IGF2BP3: variants seen among roughly 807,000 people sequenced by gnomAD.
IGF2BP3 encodes insulin like growth factor 2 mRNA binding protein 3.
IGF2BP3 carries 9 observed loss-of-function variants against 73.8 expected under a neutral mutation model. The observed-to-expected ratio is 0.12, with a 90% CI of 0.07 to 0.21. The LOEUF (loss-of-function observed/expected upper bound fraction) is 0.21. IGF2BP3 is among the 10% of genes least tolerant of loss of function. The pLI is 1.00. For synonymous variants in IGF2BP3, 258 were observed against 256.7 expected (o/e 1.01, Z -0.05); for missense variants, 542 against 714.0 (o/e 0.76, Z 2.75).
At chr7:23,347,266 A>G (rs545535685) in intron 7 of IGF2BP3, among the ~76,000 whole-genome samples, 2 of 152,200 alleles carry the variant, frequency 1.3e-5, no homozygotes, top group African/African-American at 2.4e-5. Context: ...CAGAGCTCCA[A>G]TGAGCTCCGA....
At chr7:23,327,064 T>C (rs546863013) in intron 10 of IGF2BP3, among the ~76,000 whole-genome samples, 47 of 149,914 alleles carry the variant, frequency 3.1e-4, no homozygotes, top group African/African-American at 1.1e-3. Flanking sequence ...ACTTAAAGTA[T>C]AATAAATAAA....
chr7:23,340,041 T>A (rs1784669029), intron 10 of IGF2BP3, among the ~76,000 whole-genome samples: 1 of 152,188 alleles, frequency 6.6e-6, no homozygotes, highest in African/African-American at 2.4e-5. Context: ...AGGTTTTTTT[T>A]ATTATACAGG....
chr7:23,427,307 C>T (rs947103689), intron 2 of IGF2BP3, among the ~76,000 whole-genome samples: 4 of 152,118 alleles, frequency 2.6e-5, no homozygotes, highest in Non-Finnish European at 5.9e-5. Context: ...CTTGGAGGTC[C>T]CGTTTCCCTA....
chr7:23,333,041 G>GT (rs1286299069), intron 10 of IGF2BP3, among the ~76,000 whole-genome samples: 1 of 152,116 alleles, frequency 6.6e-6, no homozygotes, highest in Non-Finnish European at 1.5e-5. Flanking sequence ...TCATGACTGT[G>GT]TAATTATTTG....
At chr7:23,374,104 C>T (rs1018495487) in intron 3 of IGF2BP3, among the ~76,000 whole-genome samples, 1 of 152,156 alleles carries the variant, frequency 6.6e-6, no homozygotes, top group African/African-American at 2.4e-5. Flanking sequence ...TACAGCAACA[C>T]AAATGCACTA....
intron 3 of IGF2BP3, among the ~76,000 whole-genome samples, chr7:23,381,538 A>C (rs1045494244): frequency 2.0e-5 from 3 of 152,204 alleles, no homozygotes; most frequent in Admixed American, 1.3e-4. Context: ...TATGTTCATT[A>C]AAGTGATGGC....
rs534664657 is a variant in IGF2BP3 at position 23,334,246 on chromosome 7, C to T, written c.1203+7818G>A. ...AGGAGGCTGAGGCAGGAGAATCGCTCGAATCTGGGAGGTGGAGGTTACAGT... is the reference window on the plus strand; with the variant it reads ...AGGAGGCTGAGGCAGGAGAATCGCTTGAATCTGGGAGGTGGAGGTTACAGT... On this transcript the variant is annotated intron_variant, in intron 10 of 14. Transcript: ENST00000258729. 4.6e-5 allele frequency among the ~76,000 whole-genome samples: 7 copies of T among 152,044 alleles called. No individual in the cohort carries two copies. In the South Asian group the frequency reaches 6.2e-4, roughly 14 times the overall value.
intron 2 of IGF2BP3, among the ~76,000 whole-genome samples, chr7:23,439,288 C>G (rs1372033676): frequency 6.6e-6 from 1 of 151,926 alleles, no homozygotes; most frequent in South Asian, 2.1e-4. Flanking sequence ...CACGGTGGCT[C>G]ACGCCTGTAA....
At chr7:23,425,690 GAAGAT>G (rs1450362261) in intron 2 of IGF2BP3, among the ~76,000 whole-genome samples, 1 of 152,094 alleles carries the variant, frequency 6.6e-6, no homozygotes, top group Non-Finnish European at 1.5e-5. Context: ...CCAATAATTA[GAAGAT>G]AATTGAAGAT....
chr7:23,350,238 G>A (rs571762764), intron 6 of IGF2BP3, among the ~76,000 whole-genome samples: 6 of 152,290 alleles, frequency 3.9e-5, no homozygotes, highest in Admixed American at 3.3e-4. Flanking sequence ...ACACAGCAGT[G>A]CAGTTCTAAC....
intron 6 of IGF2BP3, among the ~76,000 whole-genome samples, chr7:23,348,341 T>A (rs1784881813): frequency 6.6e-6 from 1 of 152,198 alleles, no homozygotes; most frequent in Non-Finnish European, 1.5e-5. Context: ...TCACTAGTAA[T>A]TATATGTCTG....
rs540574558 is a variant in IGF2BP3 at position 23,374,633 on chromosome 7, C to T, written c.286-12892G>A. Among the ~76,000 whole-genome samples, 172 of 152,120 alleles carry T rather than the reference C, an allele frequency of 1.1e-3. 1 individual carries two copies. Among genetic ancestry groups the T allele is most frequent in the African/African-American group, 3.8e-3 (157 of 41,468 alleles). On this transcript the variant is annotated intron_variant, in intron 3 of 14. Coordinates refer to ENST00000258729, the MANE Select transcript of IGF2BP3 (RefSeq NM_006547.3). Reference sequence around the variant, plus strand: ...AGGAGGATGCAGTGAGCTATGATGACGCCACTGCACTCCACCCTGGGTGAC... The same window carrying T: ...AGGAGGATGCAGTGAGCTATGATGATGCCACTGCACTCCACCCTGGGTGAC...
At chr7:23,439,454 G>A (rs1787879761) in intron 2 of IGF2BP3, among the ~76,000 whole-genome samples, 1 of 150,356 alleles carries the variant, frequency 6.7e-6, no homozygotes, top group African/African-American at 2.4e-5. Flanking sequence ...AGCTACTTGG[G>A]AGGCTGAGGC....
intron 5 of IGF2BP3, among the ~76,000 whole-genome samples, chr7:23,358,780 C>T (rs1055911201): frequency 2.6e-5 from 4 of 152,200 alleles, no homozygotes; most frequent in African/African-American, 9.6e-5. Context: ...TAACACAAAA[C>T]TGAGTTTTCC....
chr7:23,375,614 A>G (rs763098438), intron 3 of IGF2BP3, among the ~76,000 whole-genome samples: 2 of 152,246 alleles, frequency 1.3e-5, no homozygotes, highest in African/African-American at 2.4e-5. Context: ...AGTTCAGAAC[A>G]AAGCCTGATT....
intron 3 of IGF2BP3, among the ~76,000 whole-genome samples, chr7:23,390,862 G>A (rs1178567886): frequency 2.0e-5 from 3 of 148,708 alleles, no homozygotes; most frequent in East Asian, 3.9e-4. Flanking sequence ...GCAGTGGCAT[G>A]ATCTCGGCTC....
intron 3 of IGF2BP3, among the ~76,000 whole-genome samples, chr7:23,407,903 G>T (rs1012372526): frequency 8.0e-6 from 1 of 124,230 alleles, no homozygotes; most frequent in Admixed American, 1.1e-4. Flanking sequence ...ATAAAGTGGA[G>T]TTTATCATAG....
Position 23,313,531 on chromosome 7 carries a change from T to C in IGF2BP3, c.1518A>G (p.Gly506=), listed in dbSNP as rs1242116139. The change falls in exon 13 of 15, where the codon GGA becomes GGG. Residue 506 remains glycine, a synonymous_variant. Coordinates refer to ENST00000258729, the MANE Select transcript of IGF2BP3 (RefSeq NM_006547.3). ...SFAAGRVIGK[G]GKTVNELQNL... ...TTGCTGAAGTACTTGCCGTTTTGCC[T>C]CCTTTTCCAATAACTCTGCCAGCAG... 6.2e-7 allele frequency: 1 copy of C among 1,613,978 alleles called. No individual in the cohort carries two copies.
chr7:23,448,487 C>T (rs552990010), intron 2 of IGF2BP3, among the ~76,000 whole-genome samples: 14 of 152,310 alleles, frequency 9.2e-5, no homozygotes, highest in Admixed American at 6.5e-4. Context: ...CAGCTCACTG[C>T]AGCTCACTGG....
Sources: gnomAD v4.1 joint callset for allele counts (sites outside exome capture counted in the v4.1 genomes callset) on GRCh38, gnomAD v4.1.1 for gene constraint, MANE v1.5 for transcripts, NCBI Gene and HGNC (gene_info 2026-07-23, HGNC 2026-07-21) for gene names.